Variants in MFSD11 observed in about 807,000 individuals in gnomAD.
MFSD11 encodes UNC93-like protein MFSD11.
A neutral mutation model predicts 53.5 loss-of-function variants in MFSD11; 36 were observed. The observed-to-expected ratio is 0.67, with a 90% CI of 0.52 to 0.89. The LOEUF (loss-of-function observed/expected upper bound fraction) is 0.89. Ranked by LOEUF, MFSD11 falls within the 40% of genes least tolerant of loss-of-function variation. The probability of loss-of-function intolerance (pLI) is 0.00; values close to 1 mark genes in which losing one functional copy is unlikely to be tolerated. For synonymous variants in MFSD11, 186 were observed against 184.9 expected (o/e 1.01, Z -0.05); for missense variants, 530 against 543.9 (o/e 0.97, Z 0.25).
At chr17:76,766,910 G>C (rs1167236375) in intron 8 of MFSD11, 1 of 154,950 alleles carries the variant, frequency 6.5e-6, no homozygotes, top group Non-Finnish European at 1.4e-5. Flanking sequence ...AGTCCTCAGA[G>C]CTACAGAGTC....
chr17:76,737,074 C>T (rs148089239), upstream of MFSD11: 19 of 1,612,848 alleles, frequency 1.2e-5, no homozygotes, highest in Non-Finnish European at 1.6e-5. Context: ...CGCGCCTCAG[C>T]GTGTCGGGCG....
chr17:76,800,938 G>A, the MFSD11 span, among the ~76,000 whole-genome samples: 5,059 of 152,028 alleles, frequency 0.033, 276 homozygotes, highest in African/African-American at 0.11. Flanking sequence ...TCAGCTGGGC[G>A]CAGCAGCACG....
chr17:76,784,531 CA>C (rs371574339), downstream of MFSD11, among the ~76,000 whole-genome samples: 6 of 145,712 alleles, frequency 4.1e-5, no homozygotes, highest in Non-Finnish European at 3.0e-5. Context: ...GACTCCATCT[CA>C]AAAAAAAAAG....
chr17:76,739,844 T>TCTA (rs1281067811), intron 2 of MFSD11, among the ~76,000 whole-genome samples: 2 of 152,206 alleles, frequency 1.3e-5, no homozygotes, highest in Non-Finnish European at 2.9e-5. Context: ...CACAGCTTTT[T>TCTA]CTACTTTTTT....
At chr17:76,759,661 G>A in intron 8 of MFSD11, among the ~76,000 whole-genome samples, 1 of 143,036 alleles carries the variant, frequency 7.0e-6, no homozygotes, top group Non-Finnish European at 1.5e-5. Flanking sequence ...GTTTCACTGT[G>A]TTAACCAGGA....
At chr17:76,737,242 C>T (rs765756966), upstream of MFSD11, 9 of 1,454,004 alleles carry the variant, frequency 6.2e-6, no homozygotes, top group Non-Finnish European at 8.2e-6. Context: ...GCCTCTCAGG[C>T]AGTTGCCTTC....
At chr17:76,787,432 C>T in the MFSD11 span, among the ~76,000 whole-genome samples, 1 of 149,966 alleles carries the variant, frequency 6.7e-6, no homozygotes, top group Non-Finnish European at 1.5e-5. Context: ...CCACCGCACC[C>T]GACCAGATGT....
chr17:76,746,828 T>C lies in MFSD11; in HGVS notation c.641+2362T>C, dbSNP rs924858911. Among the ~76,000 whole-genome samples the C allele has an allele frequency of 5.9e-5, 9 of 152,312 alleles. No homozygotes were observed. In the East Asian group the frequency reaches 1.7e-3, roughly 29 times the overall value. On this transcript the variant is annotated intron_variant, in intron 7 of 12. Transcript: ENST00000685175. ...TGTACCTGATCAGCCAAGTGCTTTG[T>C]TGGAGGTGTACAAGGAGATGAATGT...
downstream of MFSD11, among the ~76,000 whole-genome samples, chr17:76,783,545 T>C (rs1222030560): frequency 6.6e-6 from 1 of 152,150 alleles, no homozygotes; most frequent in Non-Finnish European, 1.5e-5. Context: ...TGTTGACTTA[T>C]AGTAAGTCCC....
At chr17:76,742,416 T>C (rs954400216) in intron 5 of MFSD11, 143 bp downstream of exon 5, 7 of 686,358 alleles carry the variant, frequency 1.0e-5, no homozygotes, top group African/African-American at 1.8e-5. Context: ...TCCAATTTTA[T>C]AGAATCACTT....
the MFSD11 span, among the ~76,000 whole-genome samples, chr17:76,791,876 C>T: frequency 2.0e-5 from 3 of 146,480 alleles, no homozygotes; most frequent in South Asian, 2.3e-4. Context: ...TGTTCCCCCC[C>T]GCCCCGAGAG....
chr17:76,742,143 C>T, intron 4 of MFSD11, 34 bp from the exon 5 acceptor site: 3 of 1,613,248 alleles, frequency 1.9e-6, no homozygotes, highest in African/African-American at 1.3e-5. Context: ...AAGTGAATTT[C>T]TTTCCCTTGA....
intron 12 of MFSD11, 89 bp from the exon 13 acceptor site, chr17:76,778,099 T>C: frequency 7.5e-7 from 1 of 1,330,154 alleles, no homozygotes. Context: ...CAGGTGTCCT[T>C]GGGGCAGGAT....
At chr17:76,794,679 C>CTT in the MFSD11 span, among the ~76,000 whole-genome samples, 148 of 40,420 alleles carry the variant, frequency 3.7e-3, 4 homozygotes, top group East Asian at 0.022. Context: ...AAGATGTACT[C>CTT]TTTTTTTTTT....
chr17:76,737,146 G>A (rs775513335), upstream of MFSD11: 15 of 1,586,860 alleles, frequency 9.5e-6, no homozygotes, highest in Non-Finnish European at 1.2e-5. Context: ...CGGGAGGGGG[G>A]CGGCCGTAGC....
At chr17:76,748,406 G>A (rs2078744638) in intron 7 of MFSD11, among the ~76,000 whole-genome samples, 1 of 152,144 alleles carries the variant, frequency 6.6e-6, no homozygotes, top group Non-Finnish European at 1.5e-5. Context: ...TCTGTCTTCT[G>A]GCTGGGCACA....
At chr17:76,753,339 G>A (rs191844638) in intron 7 of MFSD11, among the ~76,000 whole-genome samples, 72 of 152,206 alleles carry the variant, frequency 4.7e-4, no homozygotes, top group African/African-American at 1.6e-3. Flanking sequence ...TAGTAAGGGC[G>A]GTAGAAAATT....
chr17:76,788,022 GT>G, the MFSD11 span, among the ~76,000 whole-genome samples: 6 of 144,118 alleles, frequency 4.2e-5, 1 homozygote, highest in Admixed American at 2.1e-4. Context: ...TTTGTTTGTG[GT>G]TTTTTTTTTG....
chr17:76,752,818 A>G (rs183838889), intron 7 of MFSD11: 1 of 152,298 alleles, frequency 6.6e-6, no homozygotes, highest in Non-Finnish European at 1.5e-5. Context: ...TTCCTGAGGT[A>G]AATATTAGTA....
Sources: gnomAD v4.1 joint callset for allele counts (sites outside exome capture counted in the v4.1 genomes callset) on GRCh38, gnomAD v4.1.1 for gene constraint, MANE v1.5 for transcripts, NCBI Gene and HGNC (gene_info 2026-07-23, HGNC 2026-07-21) for gene names.